Variants in CPNE4 observed in about 807,000 individuals in gnomAD.
The protein encoded by CPNE4 is copine-4.
Under a neutral mutation model 67.9 loss-of-function variants are expected in CPNE4, and 25 were observed. The observed-to-expected ratio is 0.37, with a 90% CI of 0.27 to 0.51. The LOEUF is 0.51. Ranked by LOEUF, CPNE4 falls within the 20% of genes least tolerant of loss-of-function variation. The probability of loss-of-function intolerance (pLI) is 0.93; values close to 1 mark genes in which losing one functional copy is unlikely to be tolerated. For synonymous variants in CPNE4, 242 were observed against 244.9 expected, an observed-to-expected ratio of 0.99 and a Z score of 0.11; for missense variants, 464 against 690.8, an observed-to-expected ratio of 0.67 and a Z score of 3.68.
chr3:131,725,019 T>C (rs2081970658), intron 2 of CPNE4, among the ~76,000 whole-genome samples: 1 of 152,230 alleles, frequency 6.6e-6, no homozygotes, highest in South Asian at 2.1e-4. Flanking sequence ...ACAAATCAAC[T>C]GGAACCTCTA....
rs78738441 is a variant in CPNE4, at chr3:131,633,034, A to G, written c.681+36641T>C. On this transcript the variant is annotated intron_variant, in intron 7 of 15. Coordinates refer to ENST00000429747, the MANE Select transcript of CPNE4 (RefSeq NM_130808.3). The stretch of plus-strand genomic sequence containing the variant: ...CCTAACATTTGGGTCTTCTACCCCA[A>G]ACTTGATCCACCTGCAGTCCTCCCC... Among the ~76,000 whole-genome samples, 182 of 152,240 alleles carry G rather than the reference A, an allele frequency of 1.2e-3. 2 individuals are homozygous for G. In the East Asian group the frequency reaches 0.034, roughly 29 times the overall value.
chr3:131,761,892 G>A (rs776919626), intron 2 of CPNE4, among the ~76,000 whole-genome samples: 22 of 152,078 alleles, frequency 1.4e-4, no homozygotes, highest in Non-Finnish European at 2.8e-4. Context: ...CATTAGCATT[G>A]CTTTAATGCT....
At chr3:132,017,719 T>C (rs1470372118) in intron 1 of CPNE4, 1 of 151,064 alleles carries the variant, frequency 6.6e-6, no homozygotes, top group Non-Finnish European at 1.5e-5. Context: ...CTCAAGGACA[T>C]TTGGGCAAAA....
chr3:131,645,064 C>T (rs866072245), intron 7 of CPNE4, among the ~76,000 whole-genome samples: 3 of 152,072 alleles, frequency 2.0e-5, no homozygotes, highest in Non-Finnish European at 4.4e-5. Flanking sequence ...AGTGAAAAAC[C>T]GGAAAAACTT....
chr3:132,025,573 T>C (rs2074099529), intron 1 of CPNE4, among the ~76,000 whole-genome samples: 1 of 152,194 alleles, frequency 6.6e-6, no homozygotes, highest in South Asian at 2.1e-4. Context: ...ACACTTCTAA[T>C]TTTCACAATT....
chr3:131,810,514 T>TA (rs978178189), intron 2 of CPNE4, among the ~76,000 whole-genome samples: 2 of 151,786 alleles, frequency 1.3e-5, no homozygotes, highest in African/African-American at 4.8e-5. Flanking sequence ...AATCATAGAT[T>TA]AAAAAAAGGT....
At chr3:131,803,190 A>G (rs1048644788) in intron 2 of CPNE4, among the ~76,000 whole-genome samples, 24 of 152,330 alleles carry the variant, frequency 1.6e-4, no homozygotes, top group African/African-American at 5.3e-4. Context: ...GACAAATTAC[A>G]TAATGTCCTA....
chr3:131,621,936 C>T (rs1267686939), intron 7 of CPNE4, among the ~76,000 whole-genome samples: 1 of 150,404 alleles, frequency 6.6e-6, no homozygotes, highest in Non-Finnish European at 1.5e-5. Flanking sequence ...TGGCTTGAGC[C>T]CCAGAGGTGG....
rs1447238156 is a variant in CPNE4, at chr3:131,785,519, AT to A, written c.181-61895del. Among the ~76,000 whole-genome samples the A allele has an allele frequency of 2.0e-5, 3 of 150,948 alleles. No homozygotes were observed. The South Asian group carries it at 6.3e-4, about 32-fold the overall frequency. ...AGAGCTGCTATTTCCATTCTTTCTT[AT>A]TTTTTTTCTTATTGTTTCTCTCCTC... On this transcript the variant is annotated intron_variant, in intron 2 of 15. Transcript: ENST00000429747.
At chr3:131,607,612 G>A (rs1046283098) in intron 7 of CPNE4, among the ~76,000 whole-genome samples, 1 of 152,060 alleles carries the variant, frequency 6.6e-6, no homozygotes, top group Non-Finnish European at 1.5e-5. Context: ...CCACATAAAG[G>A]TTATCATTTT....
chr3:131,940,967 C>A (rs1265492515), intron 1 of CPNE4, among the ~76,000 whole-genome samples: 1 of 151,856 alleles, frequency 6.6e-6, no homozygotes, highest in Non-Finnish European at 1.5e-5. Flanking sequence ...TCATGGACTC[C>A]GAGGAGTAGG....
At chr3:131,704,842 A>G (rs78708220) in intron 3 of CPNE4, among the ~76,000 whole-genome samples, 3,872 of 152,240 alleles carry the variant, frequency 0.025, 114 homozygotes, top group African/African-American at 0.074. Flanking sequence ...ACTTAGTGTT[A>G]TGGATGAAAT....
At chr3:131,935,973 A>G (rs1415345639) in intron 1 of CPNE4, among the ~76,000 whole-genome samples, 1 of 152,092 alleles carries the variant, frequency 6.6e-6, no homozygotes, top group Admixed American at 6.6e-5. Flanking sequence ...CTTAAGGCTG[A>G]GACAGACAAT....
chr3:131,534,970 T>C lies in CPNE4; in HGVS notation c.*225A>G, dbSNP rs1935051123. On this transcript the variant is annotated 3_prime_UTR_variant, in exon 16 of 16. Transcript: ENST00000429747. The stretch of plus-strand genomic sequence containing the variant: ...TAATGTAAATAGTAAGTTATTGTTA[T>C]CTGTGTTTCTTTGTAAAAAGTTAAC... 1 of 363,324 alleles carries C rather than the reference T, an allele frequency of 2.8e-6. No individual in the cohort carries two copies. 22.5% of individuals were successfully genotyped at this position (363,324 alleles called of 1,614,324 possible).
intron 1 of CPNE4, among the ~76,000 whole-genome samples, chr3:131,972,526 C>T (rs1286443696): frequency 6.6e-6 from 1 of 152,176 alleles, no homozygotes; most frequent in African/African-American, 2.4e-5. Context: ...ATCGGGCCCC[C>T]AAGGAAGCTG....
At chr3:131,831,513 A>C (rs1204857321) in intron 2 of CPNE4, among the ~76,000 whole-genome samples, 1 of 152,192 alleles carries the variant, frequency 6.6e-6, no homozygotes, top group Non-Finnish European at 1.5e-5. Flanking sequence ...TGAAAACTAA[A>C]AAATTTATTA....
intron 1 of CPNE4, among the ~76,000 whole-genome samples, chr3:131,969,056 G>A (rs2072434879): frequency 6.6e-6 from 1 of 150,784 alleles, no homozygotes; most frequent in Admixed American, 6.8e-5. Flanking sequence ...ATCCTTTGCA[G>A]GGACATGGAT....
In CPNE4 at chr3:131,581,647, T is replaced by G; in HGVS notation, c.799A>C (p.Asn267His). Residue 267 changes from asparagine (N) to histidine (H), a missense_variant, in exon 9 of 16, where the codon AAT becomes CAT. Transcript: ENST00000429747. ...EGKQVQWECI[N>H]PKYKAKKKNY... is the part of the protein sequence containing the mutation. The stretch of plus-strand genomic sequence containing the variant: ...TTCTTCTTGGCTTTGTACTTGGGAT[T>G]GATGCACTCCCACTGCACCTGAAAG... 6.2e-7 allele frequency: 1 copy of G among 1,612,826 alleles called. No individual in the cohort carries two copies. The highest frequency in any genetic ancestry group is 8.5e-7 in the Non-Finnish European group (1 of 1,178,870).
chr3:131,903,500 A>G (rs1217659403), intron 2 of CPNE4, among the ~76,000 whole-genome samples: 1 of 152,112 alleles, frequency 6.6e-6, no homozygotes, highest in Non-Finnish European at 1.5e-5. Flanking sequence ...GCGGAATTCA[A>G]CCTAAAATAT....
Sources: allele counts gnomAD v4.1 joint callset (sites outside exome capture counted in the v4.1 genomes callset), GRCh38; gene constraint gnomAD v4.1.1; transcripts MANE v1.5; gene names NCBI Gene and HGNC (gene_info 2026-07-23, HGNC 2026-07-21).